GRM1: variants seen among roughly 807,000 people sequenced by gnomAD.
GRM1 encodes metabotropic glutamate receptor 1.
Under a neutral mutation model 90.9 loss-of-function variants are expected in GRM1, and 33 were observed. That is an observed-to-expected ratio of 0.36 (90% CI 0.28 to 0.49). GRM1 has a LOEUF of 0.49. Among genes scored for constraint, GRM1 ranks in the 20% least tolerant of loss-of-function variants. GRM1 has a pLI of 0.99. For missense variants in GRM1, 1,190 were observed against 1,534.3 expected (o/e 0.78, Z 3.75); for synonymous variants, 700 against 613.2 (o/e 1.14, Z -2.09).
intron 1 of GRM1, among the ~76,000 whole-genome samples, chr6:146,138,961 C>G (rs961825612): frequency 1.3e-5 from 2 of 151,724 alleles, no homozygotes; most frequent in South Asian, 4.2e-4. Context: ...TAGACACTTA[C>G]AGCGCTAAAA....
chr6:146,413,822 G>A (rs75851409), intron 7 of GRM1, among the ~76,000 whole-genome samples: 1,936 of 152,204 alleles, frequency 0.013, 46 homozygotes, highest in African/African-American at 0.045. Flanking sequence ...AAATCATAAG[G>A]TAGATATTAT....
At chr6:146,144,544 A>G (rs1450875065) in intron 1 of GRM1, among the ~76,000 whole-genome samples, 1 of 152,236 alleles carries the variant, frequency 6.6e-6, no homozygotes, top group Non-Finnish European at 1.5e-5. Context: ...CTCAGTATCC[A>G]TCATTATAAG....
intron 1 of GRM1, among the ~76,000 whole-genome samples, chr6:146,127,696 C>T (rs1246047095): frequency 6.6e-6 from 1 of 152,220 alleles, no homozygotes; most frequent in African/African-American, 2.4e-5. Flanking sequence ...CTCCTGCTAA[C>T]TCTTAGGAGC....
intron 1 of GRM1, among the ~76,000 whole-genome samples, chr6:146,134,671 C>A (rs564108486): frequency 1.3e-5 from 2 of 152,112 alleles, no homozygotes; most frequent in Non-Finnish European, 2.9e-5. Context: ...TGGCTCACAT[C>A]GGTAATCCTA....
rs62434319 is a variant in GRM1, at chr6:146,150,938, G to A, written c.701-8410G>A. Among the ~76,000 whole-genome samples the A allele has an allele frequency of 8.8e-3, 1,330 of 150,810 alleles. 14 individuals carry two copies. Among genetic ancestry groups the A allele is most frequent in the African/African-American group, 0.023 (953 of 41,198 alleles). On this transcript the variant is annotated intron_variant, in intron 1 of 7. Coordinates refer to ENST00000282753, the MANE Select transcript of GRM1 (RefSeq NM_001278064.2). Reference sequence around the variant, plus strand: ...TATAAACACACACACGCGTGTGCGCGCACACACACACACACACACACACAC... The same window carrying A: ...TATAAACACACACACGCGTGTGCGCACACACACACACACACACACACACAC...
chr6:146,308,118 A>C (rs1298096927), intron 3 of GRM1, among the ~76,000 whole-genome samples: 3 of 152,216 alleles, frequency 2.0e-5, no homozygotes, highest in Admixed American at 1.3e-4. Context: ...TCATGTTTGC[A>C]ATGGCATAGT....
chr6:146,268,894 A>T (rs1782012690), intron 2 of GRM1, among the ~76,000 whole-genome samples: 6 of 152,244 alleles, frequency 3.9e-5, no homozygotes. Context: ...GCCAAAGCAT[A>T]AAAACAGACA....
chr6:146,304,353 A>G (rs1011639716), intron 2 of GRM1, among the ~76,000 whole-genome samples: 8 of 152,094 alleles, frequency 5.3e-5, no homozygotes, highest in Non-Finnish European at 1.0e-4. Context: ...ACTAGTGAAT[A>G]CTCATCGAAC....
intron 5 of GRM1, among the ~76,000 whole-genome samples, chr6:146,383,621 T>G (rs1459387784): frequency 2.0e-5 from 3 of 152,134 alleles, no homozygotes; most frequent in African/African-American, 7.2e-5. Context: ...ACAGAAAACC[T>G]TATACACTTG....
chr6:146,167,707 A>T (rs1373768653), intron 2 of GRM1, among the ~76,000 whole-genome samples: 1 of 152,088 alleles, frequency 6.6e-6, no homozygotes, highest in African/African-American at 2.4e-5. Context: ...TATCCTTCAC[A>T]TCTATGTCCA....
chr6:146,422,993 G>A (rs1332439648), intron 7 of GRM1, among the ~76,000 whole-genome samples: 1 of 151,482 alleles, frequency 6.6e-6, no homozygotes, highest in Non-Finnish European at 1.5e-5. Context: ...AAGAAAGGAA[G>A]GAAGGAGGGA....
chr6:146,355,220 T>C (rs1470338465), intron 4 of GRM1, among the ~76,000 whole-genome samples: 1 of 152,178 alleles, frequency 6.6e-6, no homozygotes, highest in African/African-American at 2.4e-5. Flanking sequence ...ACAGGTTCTA[T>C]AGCTCTAATG....
At chr6:146,170,878 ATATGT>A (rs1338257459) in intron 2 of GRM1, among the ~76,000 whole-genome samples, 5 of 152,022 alleles carry the variant, frequency 3.3e-5, no homozygotes, top group Non-Finnish European at 5.9e-5. Context: ...AATTTTGTTA[ATATGT>A]TATAACAATT....
chr6:146,201,629 T>G (rs1779299559), intron 2 of GRM1, among the ~76,000 whole-genome samples: 2 of 152,200 alleles, frequency 1.3e-5, no homozygotes, highest in Admixed American at 1.3e-4. Flanking sequence ...CACCTCCAAA[T>G]TCCATCACAT....
intron 1 of GRM1, among the ~76,000 whole-genome samples, chr6:146,125,465 C>A (rs372961287): frequency 7.3e-5 from 11 of 150,640 alleles, no homozygotes; most frequent in African/African-American, 2.0e-4. Context: ...CTTTCTCTGC[C>A]CCCCCCTCAA....
chr6:146,188,154 C>A (rs987499138), intron 2 of GRM1, among the ~76,000 whole-genome samples: 1 of 152,160 alleles, frequency 6.6e-6, no homozygotes, highest in Non-Finnish European at 1.5e-5. Flanking sequence ...CCTGTGGTCA[C>A]TGTACCACTG....
chr6:146,260,757 G>GAAAA (rs1037541843), intron 2 of GRM1, among the ~76,000 whole-genome samples: 1 of 137,222 alleles, frequency 7.3e-6, no homozygotes, highest in Non-Finnish European at 1.5e-5. Context: ...GTCTTCTTTG[G>GAAAA]AAAAATGTCT....
chr6:146,218,274 G>A (rs940419255), intron 2 of GRM1, among the ~76,000 whole-genome samples: 1 of 152,088 alleles, frequency 6.6e-6, no homozygotes, highest in African/African-American at 2.4e-5. Context: ...TCGAGAATAA[G>A]GTCCAGATCG....
chr6:146,155,765 T>A (rs1335788739), intron 1 of GRM1, among the ~76,000 whole-genome samples: 1 of 152,244 alleles, frequency 6.6e-6, no homozygotes. Flanking sequence ...CAACTTCATC[T>A]CTTCTCACTT....
Sources: gnomAD v4.1 joint callset for allele counts (sites outside exome capture counted in the v4.1 genomes callset) on GRCh38, gnomAD v4.1.1 for gene constraint, MANE v1.5 for transcripts, NCBI Gene and HGNC (gene_info 2026-07-23, HGNC 2026-07-21) for gene names.